Variants in PRIM2 observed in about 807,000 individuals in gnomAD.
PRIM2 encodes the protein DNA primase large subunit.
PRIM2 carries 39 observed loss-of-function variants against 67.3 expected under a neutral mutation model. The ratio of observed to expected loss-of-function variants is 0.58; its 90% CI spans 0.45 to 0.76. PRIM2 has a LOEUF of 0.76. Ranked by LOEUF, PRIM2 falls within the 30% of genes least tolerant of loss-of-function variation. The pLI is 0.00. For missense variants in PRIM2, 398 were observed against 598.7 expected, an observed-to-expected ratio of 0.66 and a Z score of 3.50; for synonymous variants, 143 against 198.7, an observed-to-expected ratio of 0.72 and a Z score of 2.36.
At chr6:57,426,631 G>C (rs1771634768) in intron 7 of PRIM2, among the ~76,000 whole-genome samples, 1 of 152,212 alleles carries the variant, frequency 6.6e-6, no homozygotes, top group Non-Finnish European at 1.5e-5. Flanking sequence ...GTAAAACCAG[G>C]TGTTGGGGAC....
intron 7 of PRIM2, among the ~76,000 whole-genome samples, chr6:57,498,230 A>T (rs1321465011): frequency 2.0e-5 from 3 of 152,132 alleles, no homozygotes; most frequent in African/African-American, 4.8e-5. Flanking sequence ...CTCTTAGAAT[A>T]CATATATAAG....
intron 7 of PRIM2, among the ~76,000 whole-genome samples, chr6:57,426,371 C>T (rs1464951476): frequency 3.9e-4 from 59 of 152,316 alleles, no homozygotes; most frequent in Non-Finnish European, 6.0e-4. Context: ...TTCTTTTGCT[C>T]AGCCAGGTTT....
At chr6:57,320,371 A>G in intron 2 of PRIM2, 86 bp from the exon 3 acceptor site, 1 of 847,602 alleles carries the variant, frequency 1.2e-6, no homozygotes, top group Non-Finnish European at 1.8e-6. Context: ...GTAAACAAGT[A>G]ATTATGGAAT....
intron 7 of PRIM2, among the ~76,000 whole-genome samples, chr6:57,412,002 A>G (rs1321768637): frequency 2.0e-5 from 3 of 151,194 alleles, no homozygotes; most frequent in Admixed American, 1.3e-4. Context: ...CTGGTTTAAT[A>G]TTTTATAATT....
At chr6:57,240,258 G>A in the PRIM2 span, among the ~76,000 whole-genome samples, 5 of 152,012 alleles carry the variant, frequency 3.3e-5, no homozygotes, top group South Asian at 4.2e-4. Flanking sequence ...TGCGCCAACC[G>A]CGCCCAGCTA....
Position 57,390,839 on chromosome 6 carries a change from A to G in PRIM2, c.693+8671A>G, listed in dbSNP as rs542577162. ...CTTTGCTATTGTAAATGGTGCTGCA[A>G]TGAACATTGGTGTACATATGTCTTG... On this transcript the variant is annotated intron_variant, in intron 7 of 13. Coordinates refer to ENST00000615550, the MANE Select transcript of PRIM2 (RefSeq NM_000947.5). 3.0e-4 allele frequency among the ~76,000 whole-genome samples: 46 copies of G among 152,318 alleles called. No individual in the cohort carries two copies. The South Asian group carries it at 3.5e-3, about 12-fold the overall frequency.
At chr6:57,538,100 C>T (rs1455836717) in intron 10 of PRIM2, among the ~76,000 whole-genome samples, 26 of 151,842 alleles carry the variant, frequency 1.7e-4, no homozygotes, top group South Asian at 4.2e-4. Context: ...ACTGCAGCCT[C>T]GACCTTTGGG....
the PRIM2 span, among the ~76,000 whole-genome samples, chr6:57,289,875 T>C: frequency 6.6e-6 from 1 of 152,098 alleles, no homozygotes; most frequent in Non-Finnish European, 1.5e-5. Context: ...AGACCATCAA[T>C]GCTATGAAGA....
intron 5 of PRIM2, among the ~76,000 whole-genome samples, chr6:57,360,881 A>G (rs998620123): frequency 2.6e-5 from 4 of 152,224 alleles, no homozygotes; most frequent in Non-Finnish European, 4.4e-5. Flanking sequence ...TAAGTGATCA[A>G]TGTCAGGATC....
chr6:57,337,855 A>G (rs1189064957), intron 5 of PRIM2, among the ~76,000 whole-genome samples: 2 of 152,238 alleles, frequency 1.3e-5, no homozygotes, highest in African/African-American at 2.4e-5. Flanking sequence ...AATAACTAAC[A>G]TCAGAGCAGA....
At chr6:57,472,633 C>T in intron 7 of PRIM2, among the ~76,000 whole-genome samples, 1 of 152,090 alleles carries the variant, frequency 6.6e-6, no homozygotes, top group Middle Eastern at 3.4e-3. Context: ...GGCAATTTTA[C>T]CTAATATATT....
chr6:57,495,029 AG>A (rs1554346241), intron 7 of PRIM2, among the ~76,000 whole-genome samples: 48,872 of 151,770 alleles, frequency 0.32, 7,784 homozygotes, highest in East Asian at 0.44. Context: ...AAATATAATT[AG>A]GAAAGTTTTA....
At chr6:57,411,233 A>G (rs1771079194) in intron 7 of PRIM2, among the ~76,000 whole-genome samples, 4 of 152,182 alleles carry the variant, frequency 2.6e-5, no homozygotes, top group African/African-American at 7.2e-5. Flanking sequence ...CCAGATGCAG[A>G]TGTCGCTATG....
chr6:57,533,172 T>A (rs1410080316), intron 9 of PRIM2, among the ~76,000 whole-genome samples: 1 of 152,022 alleles, frequency 6.6e-6, no homozygotes, highest in Non-Finnish European at 1.5e-5. Context: ...CAGTGTAGGC[T>A]ACGAGATTAA....
intron 10 of PRIM2, among the ~76,000 whole-genome samples, chr6:57,545,507 C>T (rs1305854717): frequency 1.3e-5 from 2 of 152,066 alleles, no homozygotes; most frequent in Admixed American, 6.5e-5. Flanking sequence ...CTCAGCTCAC[C>T]ACAACCTCCA....
intron 10 of PRIM2, among the ~76,000 whole-genome samples, chr6:57,571,543 G>T (rs1775862220): frequency 1.3e-5 from 2 of 152,108 alleles, no homozygotes; most frequent in African/African-American, 4.8e-5. Flanking sequence ...CCAGCTACTT[G>T]GGAGGCTGAG....
chr6:57,357,633 G>GC lies in PRIM2; in HGVS notation c.460-22265dup, dbSNP rs1769073785. On this transcript the variant is annotated intron_variant, in intron 5 of 13. Coordinates refer to ENST00000615550, the MANE Select transcript of PRIM2 (RefSeq NM_000947.5). ...TTTTTGAGACAGTTTCGCTCTTGTT[G>GC]CCCAGGCTGGAGTGCAGTGGTGCGA... Among the ~76,000 whole-genome samples the GC allele has an allele frequency of 5.8e-5, 8 of 136,900 alleles. No homozygotes were observed. In the South Asian group the frequency reaches 2.0e-3, roughly 34 times the overall value. The allele number at this position is 136,900 out of a possible 152,430, so 89.8% of individuals were successfully genotyped here.
intron 10 of PRIM2, among the ~76,000 whole-genome samples, chr6:57,541,405 A>AT (rs1220445535): frequency 6.0e-5 from 9 of 151,258 alleles, no homozygotes; most frequent in African/African-American, 1.5e-4. Context: ...GACTTTCTTA[A>AT]TTTTTTTTTC....
chr6:57,345,474 A>ATGTGTGTG (rs754685184), intron 5 of PRIM2, among the ~76,000 whole-genome samples: 8 of 124,648 alleles, frequency 6.4e-5, no homozygotes, highest in Non-Finnish European at 1.0e-4. Context: ...ATATATATAT[A>ATGTGTGTG]TGTGTGTGTG....
Sources: gnomAD v4.1 joint callset for allele counts (sites outside exome capture counted in the v4.1 genomes callset) on GRCh38, gnomAD v4.1.1 for gene constraint, MANE v1.5 for transcripts, NCBI Gene and HGNC (gene_info 2026-07-23, HGNC 2026-07-21) for gene names.